CASP8: variants seen among roughly 807,000 people sequenced by gnomAD.
CASP8 encodes caspase-8.
In CASP8, 24 loss-of-function variants were observed where a neutral mutation model predicts 46.3. The observed-to-expected ratio is 0.52, with a 90% confidence interval of 0.38 to 0.73. The LOEUF is 0.73. Ranked by LOEUF, CASP8 falls within the 30% of genes least tolerant of loss-of-function variation. The pLI, the probability that CASP8 is intolerant of heterozygous loss-of-function variation, is 0.00. For synonymous variants in CASP8, 188 were observed against 200.4 expected (o/e 0.94, Z 0.52); for missense variants, 460 against 559.0 (o/e 0.82, Z 1.79).
intron 6 of CASP8, among the ~76,000 whole-genome samples, chr2:201,276,101 G>A (rs1049777233): frequency 6.6e-6 from 1 of 152,102 alleles, no homozygotes; most frequent in African/African-American, 2.4e-5. Context: ...TCCACCTCAA[G>A]GGGCTACGCA....
At chr2:201,282,841 G>A (rs1433467564) in intron 7 of CASP8, among the ~76,000 whole-genome samples, 4 of 81,232 alleles carry the variant, frequency 4.9e-5, no homozygotes, top group East Asian at 4.3e-4. Context: ...CCTCCCTCCC[G>A]GACGGGGCGG....
At chr2:201,246,593 C>T (rs1946531231) in intron 2 of CASP8, among the ~76,000 whole-genome samples, 1 of 152,192 alleles carries the variant, frequency 6.6e-6, no homozygotes. Context: ...GGAAGTTGGA[C>T]TAAGACCTGA....
intron 1 of CASP8, among the ~76,000 whole-genome samples, chr2:201,265,547 T>A (rs1028194352): frequency 5.3e-5 from 8 of 152,130 alleles, no homozygotes; most frequent in African/African-American, 1.9e-4. Flanking sequence ...TACTTCTAAG[T>A]CTTCCAGTCT....
At chr2:201,257,364 C>T (rs923293837), upstream of CASP8, among the ~76,000 whole-genome samples, 5 of 151,804 alleles carry the variant, frequency 3.3e-5, no homozygotes, top group African/African-American at 1.2e-4. Context: ...TGCCTGTAGT[C>T]CCAGCTACTC....
chr2:201,274,828 C>T, intron 5 of CASP8, 61 bp from the exon 6 acceptor site: 3 of 1,257,654 alleles, frequency 2.4e-6, no homozygotes, highest in Non-Finnish European at 3.5e-6. Context: ...CTACATATTT[C>T]ATTACCAGTG....
chr2:201,257,167 G>A (rs1947059817), upstream of CASP8, among the ~76,000 whole-genome samples: 1 of 149,756 alleles, frequency 6.7e-6, no homozygotes, highest in Non-Finnish European at 1.5e-5. Context: ...ATTCAAATGG[G>A]AAAGAGAGGC....
chr2:201,276,657 T>A (rs956316280), intron 6 of CASP8, among the ~76,000 whole-genome samples, 170 bp from the exon 7 acceptor site: 26 of 152,270 alleles, frequency 1.7e-4, no homozygotes, highest in African/African-American at 5.3e-4. Context: ...GGGGCAGAAG[T>A]CTGAGAGGTC....
intron 2 of CASP8, chr2:201,269,415 A>G (rs1948074569): frequency 1.3e-6 from 1 of 765,330 alleles, no homozygotes; most frequent in East Asian, 2.6e-5. Context: ...GCACTTATTC[A>G]TTAAGGCGCC....
chr2:201,258,129 T>G, upstream of CASP8: 1 of 1,342,060 alleles, frequency 7.5e-7, no homozygotes, highest in African/African-American at 1.4e-5. Context: ...ATTCTGCCTT[T>G]CTGCTGGAGG....
chr2:201,267,654 A>T (rs1947917806), intron 2 of CASP8, among the ~76,000 whole-genome samples: 1 of 152,312 alleles, frequency 6.6e-6, no homozygotes, highest in African/African-American at 2.4e-5. Context: ...AAAAACAGAA[A>T]CACATTGTCA....
At chr2:201,259,366 G>T (rs1947226894), upstream of CASP8, among the ~76,000 whole-genome samples, 1 of 152,032 alleles carries the variant, frequency 6.6e-6, no homozygotes, top group Non-Finnish European at 1.5e-5. Flanking sequence ...CATAGAGATG[G>T]TGTCTCATTT....
At chr2:201,239,830 G>A (rs1346180802) in intron 2 of CASP8, among the ~76,000 whole-genome samples, 1 of 152,140 alleles carries the variant, frequency 6.6e-6, no homozygotes, top group African/African-American at 2.4e-5. Context: ...TTTTGATATT[G>A]TCCCTGATGG....
intron 3 of CASP8, 79 bp downstream of exon 3, chr2:201,271,700 T>G: frequency 1.1e-6 from 1 of 901,680 alleles, no homozygotes. Flanking sequence ...AAGAGAGGGG[T>G]ATTTTGGTAA....
chr2:201,275,364 G>A (rs561094807), intron 6 of CASP8, among the ~76,000 whole-genome samples: 4 of 152,184 alleles, frequency 2.6e-5, no homozygotes, highest in Non-Finnish European at 2.9e-5. Flanking sequence ...GTGATGAGGT[G>A]TAAGCAGCAA....
At chr2:201,235,970 G>A (rs1421835894) in intron 2 of CASP8, among the ~76,000 whole-genome samples, 2 of 152,174 alleles carry the variant, frequency 1.3e-5, no homozygotes, top group Non-Finnish European at 2.9e-5. Flanking sequence ...GCCTAGGTGT[G>A]TAGTAGGCTA....
At chr2:201,235,594 T>C (rs1393741250) in intron 2 of CASP8, among the ~76,000 whole-genome samples, 2 of 152,230 alleles carry the variant, frequency 1.3e-5, no homozygotes, top group African/African-American at 4.8e-5. Context: ...GTAATTGCAC[T>C]TGAGTTGTAC....
chr2:201,285,676 T>A (rs902149145), intron 8 of CASP8, among the ~76,000 whole-genome samples: 1 of 152,210 alleles, frequency 6.6e-6, no homozygotes, highest in Non-Finnish European at 1.5e-5. Context: ...CAGCTCTCTG[T>A]CTTTAGGCCA....
upstream of CASP8, chr2:201,257,944 C>T: frequency 2.3e-6 from 1 of 429,192 alleles, no homozygotes; most frequent in Non-Finnish European, 4.3e-6. Context: ...CTTTAGTTTG[C>T]ACGTCCATGA....
chr2:201,240,568 A>G (rs1946256389), intron 2 of CASP8: 1 of 152,272 alleles, frequency 6.6e-6, no homozygotes, highest in Admixed American at 6.5e-5. Context: ...ATAGCCAGCC[A>G]TACAAAAATA....
Sources: gnomAD v4.1 joint callset for allele counts (sites outside exome capture counted in the v4.1 genomes callset) on GRCh38, gnomAD v4.1.1 for gene constraint, MANE v1.5 for transcripts, NCBI Gene and HGNC (gene_info 2026-07-23, HGNC 2026-07-21) for gene names.